The following RUVBL1 variants were observed in gnomAD, a reference collection of about 807,000 sequenced individuals.
RUVBL1 encodes ruvB-like 1.
RUVBL1 carries 4 observed loss-of-function variants against 52.4 expected under a neutral mutation model. That is an observed-to-expected ratio of 0.08 (90% CI 0.04 to 0.17). The LOEUF is 0.17. Ranked by LOEUF, RUVBL1 falls within the 10% of genes least tolerant of loss-of-function variation. The pLI is 1.00. For synonymous variants in RUVBL1, 217 were observed against 214.4 expected, an observed-to-expected ratio of 1.01 and a Z score of -0.10; for missense variants, 298 against 572.8, an observed-to-expected ratio of 0.52 and a Z score of 4.90.
chr3:128,139,744 A>G (rs1188003667), intron 1 of RUVBL1, among the ~76,000 whole-genome samples: 1 of 152,212 alleles, frequency 6.6e-6, no homozygotes, highest in African/African-American at 2.4e-5. Flanking sequence ...ACTGGAGGTG[A>G]TGATGTTAAG....
chr3:128,084,320 C>CAACCAAG (rs1942571916), intron 9 of RUVBL1: 1 of 152,020 alleles, frequency 6.6e-6, no homozygotes. Flanking sequence ...GGTACAAGGA[C>CAACCAAG]AACCAAGAAA....
chr3:128,076,963 G>A (rs900399255), downstream of RUVBL1, among the ~76,000 whole-genome samples: 2 of 152,032 alleles, frequency 1.3e-5, no homozygotes, highest in African/African-American at 4.8e-5. The surrounding 1 kb of genome is among the most constrained non-coding windows in gnomAD (Gnocchi z 6.8). Context: ...TGCTGGCGGC[G>A]TGACGGTGAC....
intron 3 of RUVBL1, among the ~76,000 whole-genome samples, chr3:128,105,393 A>G (rs1193110880): frequency 2.0e-5 from 3 of 152,232 alleles, no homozygotes; most frequent in African/African-American, 7.2e-5. Flanking sequence ...GTGCTGGGTT[A>G]TAGGTGTGAG....
At chr3:128,136,483 G>C (rs780381141) in intron 1 of RUVBL1, among the ~76,000 whole-genome samples, 1 of 151,892 alleles carries the variant, frequency 6.6e-6, no homozygotes, top group African/African-American at 2.4e-5. Context: ...AAAATTTGCC[G>C]GGCATGGTGG....
chr3:128,066,568 G>A (rs1162980793), intron 9 of RUVBL1: 11 of 206,814 alleles, frequency 5.3e-5, no homozygotes, highest in South Asian at 9.0e-5. Flanking sequence ...GACTACAGGC[G>A]CGCACCACCA....
intron 1 of RUVBL1, among the ~76,000 whole-genome samples, chr3:128,153,035 C>A (rs1270405877): frequency 6.1e-5 from 7 of 115,270 alleles, no homozygotes; most frequent in Non-Finnish European, 1.1e-4. Flanking sequence ...CCGTTTTTGT[C>A]CTATCAGAGC....
At chr3:128,125,912 G>C (rs1943782427), upstream of RUVBL1, among the ~76,000 whole-genome samples, 1 of 152,156 alleles carries the variant, frequency 6.6e-6, no homozygotes, top group Non-Finnish European at 1.5e-5. Flanking sequence ...TGACTTCTTT[G>C]TGTATTGTCC....
chr3:128,127,273 CTGTGGG>C (rs1943807358), upstream of RUVBL1, among the ~76,000 whole-genome samples: 1 of 152,192 alleles, frequency 6.6e-6, no homozygotes, highest in African/African-American at 2.4e-5. Context: ...AGATTTCTAT[CTGTGGG>C]TACTGAAAAT....
chr3:128,076,510 T>C (rs1942330599), downstream of RUVBL1, among the ~76,000 whole-genome samples: 1 of 152,046 alleles, frequency 6.6e-6, no homozygotes, highest in Non-Finnish European at 1.5e-5. This position sits in a 1 kb window ranked among gnomAD's most constrained non-coding sequence, Gnocchi z 6.8. Context: ...CTAGTCTGGG[T>C]TCTCAAAGAT....
At chr3:128,123,479 G>C in intron 1 of RUVBL1, 105 bp downstream of exon 1, 1 of 1,267,796 alleles carries the variant, frequency 7.9e-7, no homozygotes, top group Non-Finnish European at 1.0e-6. Context: ...ATAATGGCGG[G>C]AGACCCCTGG....
intron 8 of RUVBL1, among the ~76,000 whole-genome samples, chr3:128,092,122 A>C (rs1942857109): frequency 6.6e-6 from 1 of 152,240 alleles, no homozygotes; most frequent in African/African-American, 2.4e-5. Context: ...TTTTCAACAA[A>C]TGGTTCTGGG....
At chr3:128,130,977 G>C (rs1943869517) in intron 1 of RUVBL1, among the ~76,000 whole-genome samples, 1 of 151,820 alleles carries the variant, frequency 6.6e-6, no homozygotes, top group Non-Finnish European at 1.5e-5. Context: ...TTATTTGCCA[G>C]GCATGATTGT....
chr3:128,090,118 A>G (rs1394730888), intron 8 of RUVBL1, among the ~76,000 whole-genome samples: 1 of 152,156 alleles, frequency 6.6e-6, no homozygotes, highest in Admixed American at 6.5e-5. Context: ...ATGCCAATGA[A>G]TTGTATGCTT....
intron 9 of RUVBL1, chr3:128,084,241 G>A (rs1245904821): frequency 6.6e-6 from 1 of 152,434 alleles, no homozygotes; most frequent in Non-Finnish European, 1.5e-5. Context: ...TATGCAGGAG[G>A]GGCTTCACTG....
Position 128,112,960 on chromosome 3 carries a change from C to G in RUVBL1, c.289G>C (p.Val97Leu). The G allele has an allele frequency of 6.2e-7, 1 of 1,614,174 alleles. No homozygotes were observed. Among genetic ancestry groups the G allele is most frequent in the South Asian group, 1.1e-5 (1 of 91,084 alleles). The change falls in exon 3 of 11, where the codon GTG becomes CTG. Residue 97 changes from valine (V) to leucine (L), a missense_variant. Val to Leu is a conservative substitution (Grantham distance 32). Transcript: ENST00000322623. ...TCAGTTGAGTAAACTTCACTCCCCA[C>G]CATTGGGCAGAAGGGGACCTTACTA... is the stretch of plus-strand genomic sequence containing the variant. Reference protein sequence around the residue: ...LGSKVPFCPMVGSEVYSTEIK... With the variant: ...LGSKVPFCPMLGSEVYSTEIK...
upstream of RUVBL1, among the ~76,000 whole-genome samples, chr3:128,125,769 C>T (rs1178995110): frequency 1.3e-5 from 2 of 152,162 alleles, no homozygotes; most frequent in Admixed American, 1.3e-4. Context: ...AGAGACAGCA[C>T]CCCACAAAGT....
rs116040819 is a variant in RUVBL1 at position 128,133,093 on chromosome 3, G to A, written c.-39-13679C>T. Among the ~76,000 whole-genome samples, 603 of 152,272 alleles carry A rather than the reference G, an allele frequency of 4.0e-3. 6 individuals carry two copies. Among genetic ancestry groups the A allele is most frequent in the African/African-American group, 0.013 (558 of 41,542 alleles). On this transcript the variant is annotated intron_variant, in intron 1 of 9. Coordinates refer to the RUVBL1 transcript ENST00000464873. ...CCTTGGATCTTGAGTGAGCATCAGC[G>A]GTAGCCAGGCAGTTCTTGCTATAGG...
intron 8 of RUVBL1, among the ~76,000 whole-genome samples, chr3:128,091,862 T>C (rs1942849868): frequency 6.6e-6 from 1 of 152,182 alleles, no homozygotes; most frequent in African/African-American, 2.4e-5. Context: ...CGGAACAAAT[T>C]TGCCCCTGGT....
chr3:128,136,323 A>G (rs1250129303), intron 1 of RUVBL1, among the ~76,000 whole-genome samples: 1 of 152,146 alleles, frequency 6.6e-6, no homozygotes, highest in African/African-American at 2.4e-5. Context: ...GACACAGAGT[A>G]GCTGAATGGA....
Sources: gnomAD v4.1 joint callset for allele counts (sites outside exome capture counted in the v4.1 genomes callset) on GRCh38, gnomAD v4.1.1 for gene constraint, Gnocchi (gnomAD v3.1) non-coding constraint, MANE v1.5 for transcripts, NCBI Gene and HGNC (gene_info 2026-07-23, HGNC 2026-07-21) for gene names.